The following MYO10 variants were observed in gnomAD, a reference collection of about 807,000 sequenced individuals.
The protein encoded by MYO10 is myosin X.
In MYO10, 133 loss-of-function variants were observed where a neutral mutation model predicts 257.3. The observed-to-expected ratio is 0.52, with a 90% CI of 0.45 to 0.60. The LOEUF is 0.60. Among genes scored for constraint, MYO10 ranks in the 20% least tolerant of loss-of-function variants. The probability of loss-of-function intolerance (pLI) is 0.00; values close to 1 mark genes in which losing one functional copy is unlikely to be tolerated. For missense variants in MYO10, 2,399 were observed against 2,635.7 expected, an observed-to-expected ratio of 0.91 and a Z score of 1.97; for synonymous variants, 1,104 against 1,028.6, an observed-to-expected ratio of 1.07 and a Z score of -1.40.
chr5:16,766,285 C>A, intron 10 of MYO10, 87 bp from the exon 11 acceptor site: 1 of 924,670 alleles, frequency 1.1e-6, no homozygotes, highest in South Asian at 1.4e-5. Flanking sequence ...GAGAACACAC[C>A]TGAATCCCTC....
intron 21 of MYO10, among the ~76,000 whole-genome samples, chr5:16,705,594 T>C (rs547575306): frequency 2.0e-5 from 3 of 152,322 alleles, no homozygotes; most frequent in South Asian, 4.1e-4. Context: ...TTGTTAACAA[T>C]CCACACAGAT....
intron 2 of MYO10, among the ~76,000 whole-genome samples, chr5:16,841,594 C>T (rs1276567168): frequency 6.6e-6 from 1 of 152,152 alleles, no homozygotes; most frequent in East Asian, 1.9e-4. Context: ...TTTCCCATTT[C>T]TCTGAGAGAG....
chr5:16,802,436 A>C (rs1017395213), intron 3 of MYO10, among the ~76,000 whole-genome samples: 1 of 151,936 alleles, frequency 6.6e-6, no homozygotes, highest in African/African-American at 2.4e-5. Flanking sequence ...AGGCGGGTGG[A>C]TCATGAGGTC....
intron 15 of MYO10, 118 bp downstream of exon 15, chr5:16,762,427 G>A (rs1240513202): frequency 6.0e-6 from 5 of 833,990 alleles, no homozygotes; most frequent in Non-Finnish European, 9.3e-6. Flanking sequence ...TTTGGTTTGA[G>A]AATAAATGTT....
chr5:16,931,792 C>G lies in MYO10; in HGVS notation c.21+3996G>C, dbSNP rs149309497. 6.3e-3 allele frequency among the ~76,000 whole-genome samples: 955 copies of G among 152,328 alleles called. 13 individuals carry two copies. The highest frequency in any genetic ancestry group is 0.022 in the African/African-American group (917 of 41,574). On this transcript the variant is annotated intron_variant, in intron 1 of 40. Transcript: ENST00000513610. ...GGGTTGCCTTCAGGAATTGGTGATA[C>G]AAGAAGTCCTCAGCAGTTCCCCTTT...
At chr5:16,699,335 C>G in intron 26 of MYO10, 115 bp downstream of exon 26, 1 of 1,345,488 alleles carries the variant, frequency 7.4e-7, no homozygotes, top group East Asian at 2.5e-5. Context: ...CAGTCCCCAT[C>G]CATCAGCCCA....
chr5:16,755,862 A>G (rs955453458), intron 18 of MYO10, among the ~76,000 whole-genome samples: 1 of 152,090 alleles, frequency 6.6e-6, no homozygotes, highest in African/African-American at 2.4e-5. Context: ...CCTGTGGAAA[A>G]GCAAATCCCA....
In MYO10 at chr5:16,712,642, C is replaced by CA. The variant is rs566270496; in HGVS notation, c.1930-1398dup. Among the ~76,000 whole-genome samples, 79 of 152,246 alleles carry CA rather than the reference C, an allele frequency of 5.2e-4. No homozygotes were observed. The East Asian group carries it at 9.8e-3, about 19-fold the overall frequency. ...TTATTCTGCAAGCTTTCAAAATTGG[C>CA]AAAAAAATAAATTTAAAGAATGCTT... On this transcript the variant is annotated intron_variant, in intron 19 of 40. Coordinates refer to ENST00000513610, the MANE Select transcript of MYO10 (RefSeq NM_012334.3).
intron 1 of MYO10, among the ~76,000 whole-genome samples, chr5:16,932,218 A>C (rs574319603): frequency 6.6e-6 from 1 of 152,354 alleles, no homozygotes; most frequent in East Asian, 1.9e-4. Flanking sequence ...TTACATATTT[A>C]TTCTGAAAAT....
chr5:16,818,919 AGTTTTAGAAAGTAAT>A (rs1422258984), intron 2 of MYO10, among the ~76,000 whole-genome samples: 3 of 152,160 alleles, frequency 2.0e-5, no homozygotes, highest in Admixed American at 1.3e-4. Context: ...AAACTTTCTA[AGTTTTAGAAAGTAAT>A]TTGGTTTCCC....
chr5:16,690,360 G>A (rs141323074), intron 27 of MYO10, among the ~76,000 whole-genome samples: 6 of 152,234 alleles, frequency 3.9e-5, no homozygotes, highest in East Asian at 1.9e-4. Flanking sequence ...TCTGGAACCC[G>A]TCACCAAAAG....
At position 16,762,530 on chromosome 5, in the gene MYO10, C is replaced by G. The variant is rs1229645019; in HGVS notation, c.1587+15G>C. ...GCTACTCCAATGTGATGAAGAATTG[C>G]AGGTTTTGACATACCGCATGCTGAC... On this transcript the variant is annotated intron_variant, in intron 15 of 40. Transcript: ENST00000513610. 1 of 1,574,260 alleles carries G rather than the reference C, an allele frequency of 6.4e-7. No homozygotes were observed. Among genetic ancestry groups the G allele is most frequent in the African/African-American group, 1.3e-5 (1 of 74,298 alleles).
In MYO10 at chr5:16,662,269, T is replaced by C. The variant is rs1210274464; in HGVS notation, c.*4423A>G. On this transcript the variant is annotated 3_prime_UTR_variant, in exon 41 of 41. Coordinates refer to ENST00000513610, the MANE Select transcript of MYO10 (RefSeq NM_012334.3). ...ACCCCAATTTAGTGTGCTATCTGAATAAAAGGCTTAGTAACTAAAAAAAGT... is the reference window on the plus strand; with the variant it reads ...ACCCCAATTTAGTGTGCTATCTGAACAAAAGGCTTAGTAACTAAAAAAAGT... 6.8e-6 allele frequency: 1 copy of C among 147,990 alleles called. No homozygotes were observed. Among genetic ancestry groups the C allele is most frequent in the Non-Finnish European group, 1.5e-5 (1 of 67,114 alleles). The allele number at this position is 147,990 out of a possible 1,614,324, so 9.2% of individuals were successfully genotyped here.
At position 16,848,455 on chromosome 5, in the gene MYO10, T is replaced by C. The variant is rs190399702; in HGVS notation, c.120+29154A>G. Reference sequence around the variant, plus strand: ...GATTATAGCCATGAGCCATCGCACCTGGCTAAACACATTTCTTTACTGCAG... The same window carrying C: ...GATTATAGCCATGAGCCATCGCACCCGGCTAAACACATTTCTTTACTGCAG... On this transcript the variant is annotated intron_variant, in intron 2 of 40. Transcript: ENST00000513610. 4.8e-3 allele frequency among the ~76,000 whole-genome samples: 732 copies of C among 152,232 alleles called. 4 individuals carry two copies. The highest frequency in any genetic ancestry group is 7.6e-3 in the Non-Finnish European group (514 of 68,026).
chr5:16,677,913 A>G (rs1343359653), intron 33 of MYO10, among the ~76,000 whole-genome samples: 1 of 151,972 alleles, frequency 6.6e-6, no homozygotes, highest in African/African-American at 2.4e-5. Flanking sequence ...GGCACCTGCC[A>G]CCATGCCCAG....
chr5:16,687,779 G>A (rs1482249093), intron 28 of MYO10, among the ~76,000 whole-genome samples: 1 of 151,864 alleles, frequency 6.6e-6, no homozygotes, highest in African/African-American at 2.4e-5. Context: ...TATCCATTCT[G>A]GTTAACCAAA....
rs992389297 is a variant in MYO10 at position 16,734,942 on chromosome 5, A to G, written c.1929+19886T>C. On this transcript the variant is annotated intron_variant, in intron 19 of 40. Coordinates refer to ENST00000513610, the MANE Select transcript of MYO10 (RefSeq NM_012334.3). ...CCAGGAGTTTTACAGACTTGCTCAC[A>G]GTTCCTCTTTGTACCTACCCTACAA... Among the ~76,000 whole-genome samples the G allele has an allele frequency of 3.9e-4, 59 of 152,152 alleles. 2 individuals are homozygous for G.
chr5:16,881,922 C>T (rs1744764091), intron 1 of MYO10, among the ~76,000 whole-genome samples: 2 of 152,100 alleles, frequency 1.3e-5, no homozygotes, highest in African/African-American at 2.4e-5. Context: ...ATTATATAGG[C>T]AACCTAGCAT....
Position 16,762,640 on chromosome 5 carries a change from A to G in MYO10, c.1495-3T>C. The G allele has an allele frequency of 1.3e-6, 2 of 1,587,230 alleles. No individual in the cohort carries two copies. The highest frequency in any genetic ancestry group is 2.7e-5 in the African/African-American group (2 of 74,568). On this transcript the variant is annotated splice_region_variant and splice_polypyrimidine_tract_variant and intron_variant, in intron 14 of 40. Coordinates refer to ENST00000513610, the MANE Select transcript of MYO10 (RefSeq NM_012334.3). Reference sequence around the variant, plus strand: ...ATAAGGGCTAGGAGGCCAAGTTTCTAGAAGAAGAAAAAGAAAAAATGAATT... The same window carrying G: ...ATAAGGGCTAGGAGGCCAAGTTTCTGGAAGAAGAAAAAGAAAAAATGAATT...
Sources: gnomAD v4.1 joint callset for allele counts (sites outside exome capture counted in the v4.1 genomes callset) on GRCh38, gnomAD v4.1.1 for gene constraint, MANE v1.5 for transcripts, NCBI Gene and HGNC (gene_info 2026-07-23, HGNC 2026-07-21) for gene names.